Variants in NCOA3 observed in about 807,000 individuals in gnomAD.
The protein encoded by NCOA3 is nuclear receptor coactivator 3.
NCOA3 carries 51 observed loss-of-function variants against 158.8 expected under a neutral mutation model. The ratio of observed to expected loss-of-function variants is 0.32; its 90% confidence interval spans 0.26 to 0.41. The LOEUF (loss-of-function observed/expected upper bound fraction) is 0.41, where lower values mean the gene tolerates loss of function less well. Ranked by LOEUF, NCOA3 falls within the 10% of genes least tolerant of loss-of-function variation. NCOA3 has a pLI of 1.00. For synonymous variants in NCOA3, 537 were observed against 592.4 expected, an observed-to-expected ratio of 0.91 and a Z score of 1.36; for missense variants, 1,510 against 1,746.6, an observed-to-expected ratio of 0.86 and a Z score of 2.41.
intron 5 of NCOA3, 77 bp downstream of exon 5, chr20:47,625,558 A>G: frequency 9.4e-7 from 1 of 1,064,510 alleles, no homozygotes; most frequent in South Asian, 1.4e-5. Context: ...AAATCGATGA[A>G]ATTTTGGTTA....
At chr20:47,640,973 G>A (rs6094760) in intron 16 of NCOA3, among the ~76,000 whole-genome samples, 1 of 152,134 alleles carries the variant, frequency 6.6e-6, no homozygotes, top group Non-Finnish European at 1.5e-5. Flanking sequence ...GTCAATGTCA[G>A]CTCTAACAGG....
At chr20:47,590,974 T>C (rs182305439) in intron 2 of NCOA3, among the ~76,000 whole-genome samples, 2 of 151,900 alleles carry the variant, frequency 1.3e-5, no homozygotes, top group East Asian at 3.9e-4. Flanking sequence ...CTGGGGGTGG[T>C]GATGGGTGCC....
At chr20:47,575,968 T>C (rs934160026) in intron 1 of NCOA3, among the ~76,000 whole-genome samples, 8 of 152,234 alleles carry the variant, frequency 5.3e-5, no homozygotes, top group Non-Finnish European at 1.0e-4. Flanking sequence ...CAATGTTAAA[T>C]ATAGAATGTT....
At chr20:47,575,713 C>G (rs971224881) in intron 1 of NCOA3, among the ~76,000 whole-genome samples, 2 of 152,112 alleles carry the variant, frequency 1.3e-5, no homozygotes, top group Non-Finnish European at 1.5e-5. Flanking sequence ...ACAGGGTATT[C>G]TAAACGTAAA....
Position 47,505,822 on chromosome 20 carries a change from G to A in NCOA3, c.-99+3803G>A, listed in dbSNP as rs1240044320. On this transcript the variant is annotated intron_variant, in intron 1 of 22. Transcript: ENST00000371998. ...CTCCTTTTTTTTTTTTTTTTTTTGA[G>A]ACAGAGTCTCACTCTGTTGCTCAGG... Among the ~76,000 whole-genome samples, 11 of 105,516 alleles carry A rather than the reference G, an allele frequency of 1.0e-4. No individual in the cohort carries two copies. The South Asian group carries it at 1.3e-3, about 12-fold the overall frequency. The allele number at this position is 105,516 out of a possible 152,430, so 69.2% of individuals were successfully genotyped here.
At chr20:47,572,544 C>CT (rs72662710) in intron 1 of NCOA3, among the ~76,000 whole-genome samples, 3,081 of 147,982 alleles carry the variant, frequency 0.021, 110 homozygotes, top group African/African-American at 0.07. Context: ...CCCCACCTGC[C>CT]TTTTTTTTTT....
chr20:47,617,850 T>C (rs61700033), intron 2 of NCOA3, among the ~76,000 whole-genome samples: 93 of 152,368 alleles, frequency 6.1e-4, no homozygotes, highest in African/African-American at 2.1e-3. Context: ...CTCTTAGACA[T>C]TGTGGTATCT....
intron 2 of NCOA3, among the ~76,000 whole-genome samples, chr20:47,604,671 C>G (rs1436062671): frequency 6.6e-6 from 1 of 152,178 alleles, no homozygotes; most frequent in Admixed American, 6.5e-5. Context: ...CTCCTGGGCT[C>G]AAGTGAGCCT....
chr20:47,563,601 G>C (rs1002225330), intron 1 of NCOA3, among the ~76,000 whole-genome samples: 3 of 152,106 alleles, frequency 2.0e-5, no homozygotes, highest in African/African-American at 4.8e-5. Flanking sequence ...AGTGGCTGAG[G>C]CATGGCTGGG....
At position 47,564,546 on chromosome 20, in the gene NCOA3, C is replaced by CT. The variant is rs11478554; in HGVS notation, c.-98-18623dup. ...TTGATGGTCATTATTTATTTCTCCT[C>CT]TTTTTTTTTTTTTTAGGTAGAATAT... On this transcript the variant is annotated intron_variant, in intron 1 of 22. Transcript: ENST00000371998. Among the ~76,000 whole-genome samples the CT allele has an allele frequency of 6.6e-3, 954 of 144,626 alleles. 3 individuals carry two copies. The highest frequency in any genetic ancestry group is 9.5e-3 in the Non-Finnish European group (621 of 65,522). 94.9% of individuals were successfully genotyped at this position (144,626 alleles called of 152,430 possible). A position where few individuals can be genotyped will look rare whatever the true frequency, so the allele number is the denominator to read the frequency against.
At chr20:47,650,211 G>T (rs1455163695) in intron 19 of NCOA3, among the ~76,000 whole-genome samples, 11 of 149,582 alleles carry the variant, frequency 7.4e-5, no homozygotes, top group African/African-American at 2.7e-4. Context: ...TAATTTTCAG[G>T]TCCCTCTTCT....
chr20:47,539,014 C>A (rs1251888881), intron 1 of NCOA3, among the ~76,000 whole-genome samples: 10 of 152,216 alleles, frequency 6.6e-5, no homozygotes, highest in Non-Finnish European at 1.5e-4. Flanking sequence ...TTCAAGACTT[C>A]ACTTTGCCTT....
chr20:47,578,575 T>C (rs1057346511), intron 1 of NCOA3, among the ~76,000 whole-genome samples: 1 of 152,240 alleles, frequency 6.6e-6, no homozygotes, highest in Non-Finnish European at 1.5e-5. Context: ...CTGTAGTTGA[T>C]TGTTGCAAGT....
intron 1 of NCOA3, among the ~76,000 whole-genome samples, chr20:47,577,088 A>G (rs2085383898): frequency 6.6e-6 from 1 of 152,220 alleles, no homozygotes; most frequent in Admixed American, 6.5e-5. Context: ...ATTTAAAAAA[A>G]TTTAGGCTAG....
At chr20:47,610,245 G>A (rs1160920845) in intron 2 of NCOA3, among the ~76,000 whole-genome samples, 2 of 152,094 alleles carry the variant, frequency 1.3e-5, no homozygotes, top group Admixed American at 6.5e-5. Flanking sequence ...ACTGTTTTGA[G>A]ACGGGATCTT....
intron 1 of NCOA3, among the ~76,000 whole-genome samples, chr20:47,538,847 ATTC>A (rs1377781114): frequency 7.2e-5 from 11 of 152,236 alleles, no homozygotes; most frequent in South Asian, 2.1e-4. Context: ...CCCAGCCACT[ATTC>A]TTCTCTTTCA....
At chr20:47,513,376 T>G (rs2084178988) in intron 1 of NCOA3, among the ~76,000 whole-genome samples, 1 of 152,074 alleles carries the variant, frequency 6.6e-6, no homozygotes, top group Admixed American at 6.6e-5. Context: ...AATATGAAAC[T>G]GAATAAATCA....
intron 2 of NCOA3, among the ~76,000 whole-genome samples, chr20:47,593,334 A>ATTTTTTTTTTTTTTT (rs71183267): frequency 1.6e-5 from 1 of 63,722 alleles, no homozygotes; most frequent in African/African-American, 6.7e-5. Flanking sequence ...GAGTTGATGG[A>ATTTTTTTTTTTTTTT]TTTTTTTTTT....
chr20:47,516,031 G>A (rs2084228146), intron 1 of NCOA3, among the ~76,000 whole-genome samples: 2 of 152,214 alleles, frequency 1.3e-5, no homozygotes, highest in African/African-American at 4.8e-5. Context: ...CCAGGAGTTA[G>A]TGGGGAGGAA....
Sources: gnomAD v4.1 joint callset for allele counts (sites outside exome capture counted in the v4.1 genomes callset) on GRCh38, gnomAD v4.1.1 for gene constraint, MANE v1.5 for transcripts, NCBI Gene and HGNC (gene_info 2026-07-23, HGNC 2026-07-21) for gene names.